NCAM1: variants seen among roughly 807,000 people sequenced by gnomAD.
NCAM1 encodes the protein antigen recognized by monoclonal antibody 5.1H11.
A neutral mutation model predicts 109.8 loss-of-function variants in NCAM1; 14 were observed. The ratio of observed to expected loss-of-function variants is 0.13; its 90% confidence interval spans 0.08 to 0.20. NCAM1 has a LOEUF of 0.20. Ranked by LOEUF, NCAM1 falls within the 10% of genes least tolerant of loss-of-function variation. The pLI is 1.00. For synonymous variants in NCAM1, 418 were observed against 442.9 expected, an observed-to-expected ratio of 0.94 and a Z score of 0.70; for missense variants, 774 against 1,109.9, an observed-to-expected ratio of 0.70 and a Z score of 4.30.
intron 1 of NCAM1, among the ~76,000 whole-genome samples, chr11:113,142,569 T>C (rs1941867525): frequency 6.6e-6 from 1 of 152,090 alleles, no homozygotes; most frequent in South Asian, 2.1e-4. Flanking sequence ...CAGGTAGAGG[T>C]TGCCAGGACC....
intron 1 of NCAM1, among the ~76,000 whole-genome samples, chr11:113,082,027 T>C (rs1442041241): frequency 6.6e-6 from 1 of 152,214 alleles, no homozygotes; most frequent in African/African-American, 2.4e-5. Context: ...TGTACTAATA[T>C]TGTCTTTTAA....
chr11:113,150,508 G>T (rs1484456767), intron 1 of NCAM1, among the ~76,000 whole-genome samples: 2 of 152,146 alleles, frequency 1.3e-5, no homozygotes, highest in African/African-American at 4.8e-5. Flanking sequence ...ACTCCACAAG[G>T]CTTTATTAAG....
intron 1 of NCAM1, among the ~76,000 whole-genome samples, chr11:113,167,738 C>T (rs1192584870): frequency 6.6e-6 from 1 of 152,156 alleles, no homozygotes; most frequent in African/African-American, 2.4e-5. Context: ...ATGTGGTTCA[C>T]ATAACTCAGC....
chr11:113,228,512 T>G (rs1240242065), intron 9 of NCAM1, among the ~76,000 whole-genome samples: 1 of 152,158 alleles, frequency 6.6e-6, no homozygotes, highest in Non-Finnish European at 1.5e-5. Flanking sequence ...CTGCCCAAGG[T>G]AATTTATAGA....
intron 1 of NCAM1, among the ~76,000 whole-genome samples, chr11:113,118,683 A>G (rs190194970): frequency 6.6e-6 from 1 of 151,976 alleles, no homozygotes; most frequent in African/African-American, 2.4e-5. Context: ...TTCGGTGAAT[A>G]GAATTGACGA....
chr11:113,248,697 C>G (rs1226416091), intron 15 of NCAM1, among the ~76,000 whole-genome samples: 2 of 152,134 alleles, frequency 1.3e-5, no homozygotes, highest in African/African-American at 4.8e-5. Flanking sequence ...CTCCATCTAC[C>G]CTGAGTTCAG....
intron 15 of NCAM1, among the ~76,000 whole-genome samples, chr11:113,247,035 G>A (rs1230788852): frequency 6.6e-6 from 1 of 152,212 alleles, no homozygotes; most frequent in Admixed American, 6.5e-5. Flanking sequence ...CATGAATGGA[G>A]ATCTCCGTGT....
chr11:113,148,342 TTTTG>T (rs2136246035), intron 1 of NCAM1, among the ~76,000 whole-genome samples: 1 of 150,434 alleles, frequency 6.6e-6, no homozygotes, highest in East Asian at 2.0e-4. Context: ...CTGGGTCATT[TTTTG>T]TTTGTTTGCG....
At position 113,207,983 on chromosome 11, in the gene NCAM1, C is replaced by T. The variant is rs782358821; in HGVS notation, c.897C>T (p.Thr299=). 2.4e-5 allele frequency: 38 copies of T among 1,609,910 alleles called. No individual in the cohort carries two copies. The highest frequency in any genetic ancestry group is 3.1e-5 in the Non-Finnish European group (37 of 1,178,280). The part of the protein sequence containing the change: ...AENKAGEQDA[T]IHLKVFAKPK... ...ACAAGGCTGGCGAGCAGGATGCGAC[C>T]ATCCACCTCAAAGTCTTTGGTAGGG... Residue 299 remains threonine (T), a synonymous_variant, in exon 7 of 20, where the codon ACC becomes ACT. Transcript: ENST00000316851.
intron 9 of NCAM1, chr11:113,221,611 C>T (rs1389612303): frequency 9.3e-6 from 3 of 323,314 alleles, no homozygotes; most frequent in Non-Finnish European, 1.7e-5. Context: ...AAATAAATTG[C>T]CCCCAATTCC....
intron 1 of NCAM1, among the ~76,000 whole-genome samples, chr11:113,176,020 A>G (rs1205446215): frequency 1.3e-5 from 2 of 152,184 alleles, no homozygotes; most frequent in Non-Finnish European, 2.9e-5. Context: ...TCAATAATAC[A>G]TAACTAGTAT....
At position 113,025,778 on chromosome 11, in the gene NCAM1, C is replaced by A. The variant is rs1176522280; in HGVS notation, c.52+64114C>A. The stretch of plus-strand genomic sequence containing the variant: ...ATGAGATTGGAACGACACAGGGAGC[C>A]GAGAGAGAGAGAGAGAGAGAGAGAG... On this transcript the variant is annotated intron_variant, in intron 1 of 19. Transcript: ENST00000316851. 1.9e-4 allele frequency among the ~76,000 whole-genome samples: 22 copies of A among 118,866 alleles called. 1 individual carries two copies. The highest frequency in any genetic ancestry group is 0.011 in the Middle Eastern group (2 of 182). The allele number at this position is 118,866 out of a possible 152,430, so 78.0% of individuals were successfully genotyped here. A position where few individuals can be genotyped will look rare whatever the true frequency, so the allele number is the denominator to read the frequency against.
At chr11:113,235,813 C>G (rs1555118177) in intron 14 of NCAM1, among the ~76,000 whole-genome samples, 1 of 152,254 alleles carries the variant, frequency 6.6e-6, no homozygotes, top group South Asian at 2.1e-4. Flanking sequence ...CTCGGCCATT[C>G]CCTCTTTCTT....
At position 113,277,598 on chromosome 11, in the gene NCAM1, G is replaced by A; in HGVS notation, c.*2211G>A. The A allele has an allele frequency of 2.5e-6, 1 of 395,904 alleles. No homozygotes were observed. Among genetic ancestry groups the A allele is most frequent in the Non-Finnish European group, 4.4e-6 (1 of 224,994 alleles). The allele number at this position is 395,904 out of a possible 1,614,324, so 24.5% of individuals were successfully genotyped here. A position where few individuals can be genotyped will look rare whatever the true frequency, so the allele number is the denominator to read the frequency against. On this transcript the variant is annotated 3_prime_UTR_variant, in exon 20 of 20. Transcript: ENST00000316851. ...AGTTCTTCATCTTGTAATGTCGATG[G>A]CTTTGCCACACCAGGCCAAGCCCAT...
chr11:113,181,796 T>A (rs369245978), intron 1 of NCAM1, among the ~76,000 whole-genome samples: 12 of 152,168 alleles, frequency 7.9e-5, no homozygotes, highest in East Asian at 7.7e-4. Context: ...CCTGGTCCCA[T>A]CTCTTTGATT....
intron 17 of NCAM1, among the ~76,000 whole-genome samples, chr11:113,268,544 C>G (rs1946191112): frequency 6.6e-6 from 1 of 152,180 alleles, no homozygotes; most frequent in Non-Finnish European, 1.5e-5. Flanking sequence ...GAGGGATCCT[C>G]TCTGGCATGC....
At chr11:113,173,591 GATATATATATAT>G (rs5794851) in intron 1 of NCAM1, among the ~76,000 whole-genome samples, 3,289 of 126,576 alleles carry the variant, frequency 0.026, 132 homozygotes, top group Non-Finnish European at 0.041. Context: ...CATGTTACCT[GATATATATATAT>G]ATATATATAT....
At chr11:113,253,691 G>A (rs1359684830) in intron 15 of NCAM1, among the ~76,000 whole-genome samples, 1 of 152,144 alleles carries the variant, frequency 6.6e-6, no homozygotes, top group Non-Finnish European at 1.5e-5. Context: ...AGGGGGCCTT[G>A]GGAGAAGGAC....
At chr11:113,203,774 G>A (rs1269188716) in intron 2 of NCAM1, among the ~76,000 whole-genome samples, 7 of 152,184 alleles carry the variant, frequency 4.6e-5, no homozygotes, top group Non-Finnish European at 1.0e-4. Context: ...TGGAAAAAAT[G>A]AAATAAAAAG....
Sources: allele counts gnomAD v4.1 joint callset (sites outside exome capture counted in the v4.1 genomes callset), GRCh38; gene constraint gnomAD v4.1.1; transcripts MANE v1.5; gene names NCBI Gene and HGNC (gene_info 2026-07-23, HGNC 2026-07-21).